Variants in LUZP2 observed in about 807,000 individuals in gnomAD.
LUZP2 encodes the protein leucine zipper protein 2.
Under a neutral mutation model 51.6 loss-of-function variants are expected in LUZP2, and 52 were observed. The ratio of observed to expected loss-of-function variants is 1.01; its 90% CI spans 0.81 to 1.27. The LOEUF is 1.27. Ranked by LOEUF, LUZP2 falls within the 50% of genes most tolerant of loss-of-function variation. The pLI is 0.00. For missense variants in LUZP2, 436 were observed against 395.4 expected, an observed-to-expected ratio of 1.10 and a Z score of -0.87; for synonymous variants, 154 against 137.3, an observed-to-expected ratio of 1.12 and a Z score of -0.85.
At chr11:24,963,084 G>C (rs550473363) in intron 7 of LUZP2, among the ~76,000 whole-genome samples, 1 of 152,146 alleles carries the variant, frequency 6.6e-6, no homozygotes, top group Admixed American at 6.5e-5. Context: ...GCGGTTTTTC[G>C]TGAACCGCGA....
chr11:24,967,600 A>C (rs1040909010), intron 7 of LUZP2, among the ~76,000 whole-genome samples: 7 of 151,818 alleles, frequency 4.6e-5, no homozygotes, highest in African/African-American at 1.7e-4. Context: ...TGTTCTTCAG[A>C]ATGAATCATT....
At chr11:25,059,603 G>T (rs1336601215) in intron 10 of LUZP2, among the ~76,000 whole-genome samples, 2 of 152,136 alleles carry the variant, frequency 1.3e-5, no homozygotes, top group East Asian at 3.9e-4. Flanking sequence ...TGGGCTGATT[G>T]ATCTGATGTT....
chr11:24,914,825 GA>G (rs1455624771), intron 7 of LUZP2, among the ~76,000 whole-genome samples: 2 of 152,144 alleles, frequency 1.3e-5, no homozygotes, highest in Admixed American at 6.6e-5. Context: ...ATATTAAGCT[GA>G]GAGACTTACG....
intron 7 of LUZP2, among the ~76,000 whole-genome samples, chr11:24,975,642 G>GGCTATTAT (rs1855863655): frequency 6.6e-6 from 1 of 152,028 alleles, no homozygotes; most frequent in Admixed American, 6.6e-5. Flanking sequence ...ATTTGAACCT[G>GGCTATTAT]GCTATTATGG....
intron 10 of LUZP2, among the ~76,000 whole-genome samples, chr11:25,064,745 T>G (rs1446165): frequency 0.9 from 136,495 of 151,834 alleles, 62,342 homozygotes; most frequent in Non-Finnish European, 0.98. Context: ...TCTTTCCATT[T>G]TCCCAATCTG....
intron 1 of LUZP2, among the ~76,000 whole-genome samples, chr11:24,632,323 T>C (rs1383295079): frequency 6.6e-6 from 1 of 152,022 alleles, no homozygotes; most frequent in Non-Finnish European, 1.5e-5. Context: ...TGCTGTTTTC[T>C]GATCCAATAT....
chr11:24,724,643 C>G (rs551458101), intron 1 of LUZP2, among the ~76,000 whole-genome samples: 1 of 152,288 alleles, frequency 6.6e-6, no homozygotes, highest in South Asian at 2.1e-4. Context: ...ATCACCTCCT[C>G]TATTCGACAT....
At chr11:24,838,639 G>C (rs1850931462) in intron 5 of LUZP2, among the ~76,000 whole-genome samples, 1 of 151,506 alleles carries the variant, frequency 6.6e-6, no homozygotes, top group African/African-American at 2.4e-5. Flanking sequence ...GTTTTATTTG[G>C]CCTTCAGATG....
At chr11:24,969,459 T>A (rs907010578) in intron 7 of LUZP2, among the ~76,000 whole-genome samples, 1 of 152,180 alleles carries the variant, frequency 6.6e-6, no homozygotes, top group African/African-American at 2.4e-5. Flanking sequence ...ATTTATTTCT[T>A]ATTTTTTATG....
intron 7 of LUZP2, among the ~76,000 whole-genome samples, chr11:24,936,611 A>G (rs560072027): frequency 1.2e-4 from 18 of 151,770 alleles, no homozygotes; most frequent in African/African-American, 4.3e-4. Flanking sequence ...GCTGTTTTAT[A>G]TACCTACCTG....
chr11:25,047,442 G>A (rs953459482), intron 9 of LUZP2, among the ~76,000 whole-genome samples: 5 of 143,126 alleles, frequency 3.5e-5, no homozygotes, highest in Non-Finnish European at 6.0e-5. Flanking sequence ...TTTTAACACT[G>A]GTATCCAATA....
At chr11:24,594,799 G>A (rs1390467680) in intron 1 of LUZP2, among the ~76,000 whole-genome samples, 7 of 119,518 alleles carry the variant, frequency 5.9e-5, no homozygotes, top group East Asian at 2.3e-4. Flanking sequence ...TTGCTCTGTC[G>A]CTCAGGCTGG....
intron 1 of LUZP2, among the ~76,000 whole-genome samples, chr11:24,586,448 A>G (rs1853069578): frequency 6.6e-6 from 1 of 152,058 alleles, no homozygotes; most frequent in Admixed American, 6.6e-5. Context: ...TCTAAGAAAA[A>G]TATATAATTT....
chr11:24,891,370 A>T (rs558775970), intron 5 of LUZP2: 1 of 930,358 alleles, frequency 1.1e-6, no homozygotes, highest in South Asian at 5.0e-5. Context: ...ACACATACAC[A>T]TATATACACT....
At chr11:24,695,146 A>G (rs1857205769) in intron 1 of LUZP2, among the ~76,000 whole-genome samples, 1 of 152,064 alleles carries the variant, frequency 6.6e-6, no homozygotes, top group African/African-American at 2.4e-5. Context: ...AATAAAAAAT[A>G]TATGGATACA....
intron 1 of LUZP2, among the ~76,000 whole-genome samples, chr11:24,580,772 G>T (rs1852823969): frequency 6.6e-6 from 1 of 152,058 alleles, no homozygotes; most frequent in Non-Finnish European, 1.5e-5. Flanking sequence ...GAATAGAAAA[G>T]TGTTCATTAC....
intron 9 of LUZP2, among the ~76,000 whole-genome samples, chr11:24,994,752 T>C (rs1009339396): frequency 2.6e-5 from 4 of 152,204 alleles, no homozygotes; most frequent in African/African-American, 9.6e-5. Context: ...TCTTCGAATA[T>C]TCTATTTTTT....
At chr11:24,676,019 A>G (rs543264024) in intron 1 of LUZP2, among the ~76,000 whole-genome samples, 23 of 152,048 alleles carry the variant, frequency 1.5e-4, no homozygotes, top group African/African-American at 5.5e-4. Flanking sequence ...GAGTTTCACC[A>G]TGTTGGTCAG....
At chr11:24,915,044 A>T (rs1853750627) in intron 7 of LUZP2, among the ~76,000 whole-genome samples, 1 of 152,112 alleles carries the variant, frequency 6.6e-6, no homozygotes, top group Admixed American at 6.6e-5. Flanking sequence ...TTATGACTTA[A>T]AATATGAGAT....
Sources: allele counts gnomAD v4.1 joint callset (sites outside exome capture counted in the v4.1 genomes callset), GRCh38; gene constraint gnomAD v4.1.1; transcripts MANE v1.5; gene names NCBI Gene and HGNC (gene_info 2026-07-23, HGNC 2026-07-21).